Variants in LRMDA observed in about 807,000 individuals in gnomAD.
The protein encoded by LRMDA is leucine-rich melanocyte differentiation-associated protein.
LRMDA carries 18 observed loss-of-function variants against 29.8 expected under a neutral mutation model. That is an observed-to-expected ratio of 0.60 (90% CI 0.42 to 0.90). The LOEUF (loss-of-function observed/expected upper bound fraction) is 0.90, where lower values mean the gene tolerates loss of function less well. Among genes scored for constraint, LRMDA ranks in the 40% least tolerant of loss-of-function variants. The probability of loss-of-function intolerance (pLI) is 0.00; values close to 1 mark genes in which losing one functional copy is unlikely to be tolerated. For synonymous variants in LRMDA, 125 were observed against 109.4 expected, an observed-to-expected ratio of 1.14 and a Z score of -0.89; for missense variants, 273 against 273.9, an observed-to-expected ratio of 1.00 and a Z score of 0.02.
chr10:75,465,922 C>T (rs796079913), intron 2 of LRMDA, among the ~76,000 whole-genome samples: 3 of 152,330 alleles, frequency 2.0e-5, no homozygotes, highest in African/African-American at 7.2e-5. Flanking sequence ...ACCCTGCTCA[C>T]CCCCTTTTCT....
At chr10:76,195,531 A>G (rs1168915717) in intron 5 of LRMDA, among the ~76,000 whole-genome samples, 2 of 152,272 alleles carry the variant, frequency 1.3e-5, no homozygotes, top group East Asian at 3.9e-4. Flanking sequence ...CCTTGTATTT[A>G]TGGAGGTTTC....
intron 5 of LRMDA, among the ~76,000 whole-genome samples, chr10:76,101,126 T>C (rs1168391723): frequency 6.6e-6 from 1 of 152,210 alleles, no homozygotes; most frequent in Non-Finnish European, 1.5e-5. Context: ...TCTCCAGCTT[T>C]TTATATTCAA....
At chr10:76,469,353 C>G (rs1842595709) in intron 6 of LRMDA, among the ~76,000 whole-genome samples, 1 of 152,150 alleles carries the variant, frequency 6.6e-6, no homozygotes, top group Non-Finnish European at 1.5e-5. Context: ...TCAGAGACTA[C>G]TGTTCTCTGC....
chr10:76,517,547 TG>T, intron 6 of LRMDA, among the ~76,000 whole-genome samples: 1 of 151,958 alleles, frequency 6.6e-6, no homozygotes, highest in East Asian at 1.9e-4. Context: ...ATGGACAAAA[TG>T]GAAAGAATTT....
intron 6 of LRMDA, among the ~76,000 whole-genome samples, chr10:76,344,508 C>CT (rs1180446914): frequency 6.6e-6 from 1 of 152,034 alleles, no homozygotes; most frequent in East Asian, 1.9e-4. Context: ...TGTAACAAAG[C>CT]TTTTTTTCTT....
chr10:75,695,354 CT>C (rs1842220987), intron 2 of LRMDA, among the ~76,000 whole-genome samples: 1 of 151,976 alleles, frequency 6.6e-6, no homozygotes, highest in Non-Finnish European at 1.5e-5. Context: ...TTACCCTTTT[CT>C]TTCTCTTATG....
intron 2 of LRMDA, among the ~76,000 whole-genome samples, chr10:75,969,377 A>G (rs1239966992): frequency 6.6e-6 from 1 of 152,230 alleles, no homozygotes; most frequent in Non-Finnish European, 1.5e-5. Flanking sequence ...TACTGTTCTC[A>G]AAGAATTTTC....
chr10:76,342,447 A>G (rs766902033), intron 6 of LRMDA, among the ~76,000 whole-genome samples: 13 of 152,192 alleles, frequency 8.5e-5, no homozygotes, highest in Non-Finnish European at 1.6e-4. Flanking sequence ...CAAAAATTGT[A>G]AAAGATATAT....
At chr10:75,899,465 G>A (rs1378113812) in intron 2 of LRMDA, among the ~76,000 whole-genome samples, 1 of 152,222 alleles carries the variant, frequency 6.6e-6, no homozygotes, top group African/African-American at 2.4e-5. Context: ...AAGTTTTCCT[G>A]TAGTTTGTCT....
intron 2 of LRMDA, among the ~76,000 whole-genome samples, chr10:75,564,931 T>C (rs1840350649): frequency 6.6e-6 from 1 of 152,232 alleles, no homozygotes; most frequent in South Asian, 2.1e-4. Context: ...CAGGAAAAAT[T>C]ATTTTTGCGT....
At chr10:75,740,528 C>G (rs142535763) in intron 2 of LRMDA, among the ~76,000 whole-genome samples, 2,066 of 152,266 alleles carry the variant, frequency 0.014, 10 homozygotes, top group Non-Finnish European at 0.02. Flanking sequence ...CCTGTCTCTT[C>G]CCCATCTCCA....
rs187296511 is a variant in LRMDA at position 76,145,540 on chromosome 10, C to A, written c.516+86757C>A. Among the ~76,000 whole-genome samples the A allele has an allele frequency of 1.7e-3, 252 of 148,788 alleles. 1 individual carries two copies. The highest frequency in any genetic ancestry group is 5.8e-3 in the African/African-American group (235 of 40,202). ...TTCTGTGGGATCGGTGGTGATATCC[C>A]CTTTGTCATTTTTTATTGCGTCTAT... is the stretch of plus-strand genomic sequence containing the variant. On this transcript the variant is annotated intron_variant, in intron 5 of 6. Coordinates refer to ENST00000611255, the MANE Select transcript of LRMDA (RefSeq NM_001305581.2).
intron 2 of LRMDA, among the ~76,000 whole-genome samples, chr10:75,855,095 G>A (rs973645823): frequency 6.6e-6 from 1 of 152,156 alleles, no homozygotes; most frequent in South Asian, 2.1e-4. Context: ...TAATGGGATG[G>A]CTGGGTCAAA....
intron 2 of LRMDA, among the ~76,000 whole-genome samples, chr10:75,460,506 T>A (rs1844572144): frequency 6.6e-6 from 1 of 152,184 alleles, no homozygotes. Flanking sequence ...GGTGGCTTGG[T>A]GTGATGTAAT....
At chr10:76,331,902 G>A (rs1840909454) in intron 6 of LRMDA, among the ~76,000 whole-genome samples, 1 of 152,158 alleles carries the variant, frequency 6.6e-6, no homozygotes, top group Non-Finnish European at 1.5e-5. Context: ...GACAGTAGTG[G>A]TTGACAGGTT....
chr10:75,734,371 G>T (rs900410809), intron 2 of LRMDA, among the ~76,000 whole-genome samples: 2 of 152,046 alleles, frequency 1.3e-5, no homozygotes, highest in Non-Finnish European at 2.9e-5. Context: ...GACATCCCCC[G>T]CCATGTTTAG....
At chr10:76,555,038 C>G (rs1441189244) in intron 6 of LRMDA, among the ~76,000 whole-genome samples, 1 of 152,046 alleles carries the variant, frequency 6.6e-6, no homozygotes, top group African/African-American at 2.4e-5. Flanking sequence ...ATCCTTTGGC[C>G]CCATGCTTCC....
At chr10:76,040,893 G>A (rs543794192) in intron 3 of LRMDA, among the ~76,000 whole-genome samples, 10 of 152,182 alleles carry the variant, frequency 6.6e-5, no homozygotes, top group African/African-American at 1.4e-4. Flanking sequence ...GTGCCAGCAC[G>A]AAGAAAGAAT....
intron 5 of LRMDA, among the ~76,000 whole-genome samples, chr10:76,236,681 C>T (rs902069364): frequency 1.4e-4 from 22 of 152,158 alleles, no homozygotes; most frequent in African/African-American, 2.2e-4. Context: ...TCTGCTGCAA[C>T]CCAGCATCTT....
Sources: gnomAD v4.1 joint callset for allele counts (sites outside exome capture counted in the v4.1 genomes callset) on GRCh38, gnomAD v4.1.1 for gene constraint, MANE v1.5 for transcripts, NCBI Gene and HGNC (gene_info 2026-07-23, HGNC 2026-07-21) for gene names.